Variants in PPT1 observed in about 807,000 individuals in gnomAD.
The protein encoded by PPT1 is palmitoyl-protein thioesterase 1.
A neutral mutation model predicts 44.0 loss-of-function variants in PPT1; 24 were observed. That is an observed-to-expected ratio of 0.54 (90% CI 0.39 to 0.77). The LOEUF (loss-of-function observed/expected upper bound fraction) is 0.77, where lower values mean the gene tolerates loss of function less well. PPT1 is among the 30% of genes least tolerant of loss of function. The pLI is 0.00. For missense variants in PPT1, 341 were observed against 378.8 expected, an observed-to-expected ratio of 0.90 and a Z score of 0.83; for synonymous variants, 148 against 140.2, an observed-to-expected ratio of 1.06 and a Z score of -0.39.
At chr1:40,074,467 C>A (rs991392159) in intron 8 of PPT1, among the ~76,000 whole-genome samples, 8 of 124,564 alleles carry the variant, frequency 6.4e-5, no homozygotes, top group African/African-American at 1.9e-4. Context: ...CTCTGTCTCT[C>A]TTTCTCTTTC....
intron 1 of PPT1, 168 bp downstream of exon 1, chr1:40,096,946 TC>T: frequency 1.6e-6 from 2 of 1,215,170 alleles, no homozygotes; most frequent in Non-Finnish European, 1.2e-6. Flanking sequence ...AGGGGACGGC[TC>T]CTTCCCCTTC....
chr1:40,097,219 A>G lies in PPT1; in HGVS notation c.20T>C (p.Leu7Pro). Residue 7 changes from leucine to proline, a missense_variant, in exon 1 of 9, where the codon CTG (leucine) becomes CCG (proline). Coordinates refer to ENST00000642050, the MANE Select transcript of PPT1 (RefSeq NM_000310.4). MASPGC[L>P]WLLAVALLPW... Reference sequence around the variant, plus strand: ...CAGGAGAGCCACAGCCAAGAGCCACAGGCAGCCGGGCGACGCCATCTTCGC... The same window carrying G: ...CAGGAGAGCCACAGCCAAGAGCCACGGGCAGCCGGGCGACGCCATCTTCGC... 9 of 1,613,950 alleles carry G rather than the reference A, an allele frequency of 5.6e-6. No homozygotes were observed. The highest frequency in any genetic ancestry group is 7.6e-6 in the Non-Finnish European group (9 of 1,179,904).
intron 4 of PPT1, among the ~76,000 whole-genome samples, chr1:40,090,480 A>ATG (rs751035255): frequency 2.0e-4 from 30 of 152,088 alleles, no homozygotes; most frequent in African/African-American, 5.3e-4. Context: ...ATATGTGCAC[A>ATG]TGTGTGTGTG....
chr1:40,085,076 G>A (rs1457663766), intron 5 of PPT1, among the ~76,000 whole-genome samples: 2 of 152,172 alleles, frequency 1.3e-5, no homozygotes, highest in Non-Finnish European at 2.9e-5. Flanking sequence ...ACATCAGTCA[G>A]GCCCGCCTGC....
intron 8 of PPT1, 29 bp downstream of exon 8, chr1:40,076,813 C>A (rs2124470187): frequency 5.0e-6 from 8 of 1,613,918 alleles, no homozygotes; most frequent in Non-Finnish European, 6.8e-6. Flanking sequence ...AAAACACCAA[C>A]CTCCCAAGAT....
chr1:40,091,055 C>T (rs925302190), intron 4 of PPT1, among the ~76,000 whole-genome samples: 2 of 152,220 alleles, frequency 1.3e-5, no homozygotes, highest in Non-Finnish European at 2.9e-5. Flanking sequence ...TCCTCAACCA[C>T]CACCTGCCAC....
chr1:40,072,452 G>T (rs1473563277), downstream of PPT1: 1 of 184,668 alleles, frequency 5.4e-6, no homozygotes, highest in Non-Finnish European at 1.1e-5. Flanking sequence ...AATTATGTAA[G>T]AATCTTGCAC....
intron 7 of PPT1, among the ~76,000 whole-genome samples, chr1:40,077,214 T>C (rs1289941625): frequency 6.6e-6 from 1 of 152,240 alleles, no homozygotes; most frequent in Non-Finnish European, 1.5e-5. Context: ...GATGAATACA[T>C]AATCTGTTTC....
intron 8 of PPT1, chr1:40,076,594 T>C: frequency 7.5e-7 from 1 of 1,330,122 alleles, no homozygotes; most frequent in Non-Finnish European, 9.7e-7. Flanking sequence ...ATGAGGTTTC[T>C]CTTGTTGTTT....
rs376417096 is a variant in PPT1 at position 40,091,392 on chromosome 1, C to T, written c.370G>A (p.Val124Met). Residue 124 changes from valine (V) to methionine (M), a missense_variant, in exon 4 of 9, where the codon GTG (valine) becomes ATG (methionine). Physicochemically the swap from Val to Met is conservative, Grantham distance 21. Transcript: ENST00000642050. Reference sequence around the variant, plus strand: ...GGAGGTGAAGGGCATCTCTGAGCCACTGCCCTCCTACGGAATAAAAGGGAG... The same window carrying T: ...GGAGGTGAAGGGCATCTCTGAGCCATTGCCCTCCTACGGAATAAAAGGGAG... ...FSQGGQFLRAVAQRCPSPPMI... is the reference protein window; with the variant it reads ...FSQGGQFLRAMAQRCPSPPMI... 2 of 1,613,542 alleles carry T rather than the reference C, an allele frequency of 1.2e-6. No individual in the cohort carries two copies. Among genetic ancestry groups the T allele is most frequent in the Non-Finnish European group, 1.7e-6 (2 of 1,179,662 alleles).
chr1:40,080,489 T>C lies in PPT1; in HGVS notation c.537-2A>G. 6.2e-7 allele frequency: 1 copy of C among 1,612,952 alleles called. No homozygotes were observed. On this transcript the variant is annotated splice_acceptor_variant, in intron 5 of 8. Coordinates refer to ENST00000642050, the MANE Select transcript of PPT1 (RefSeq NM_000310.4). LOFTEE classifies it high-confidence loss of function. ...TGCCAGTATTCGGCTTGCACGAGGC[T>C]GTAGGAAAAAAAAAGAATGAGGTGA...
rs1266890934 is a variant in PPT1, at chr1:40,089,523, A to T, written c.434-11T>A. ...GGAGTCCAAAAACACCTACAGTGGT[A>T]GATGACAAATATCCACTCCTTCAAT... On this transcript the variant is annotated splice_polypyrimidine_tract_variant and intron_variant, in intron 4 of 8. Transcript: ENST00000642050. 6.3e-7 allele frequency: 1 copy of T among 1,586,800 alleles called. No individual in the cohort carries two copies. Among genetic ancestry groups the T allele is most frequent in the Non-Finnish European group, 8.7e-7 (1 of 1,155,004 alleles).
downstream of PPT1, chr1:40,071,494 G>A (rs1383915063): frequency 6.2e-7 from 1 of 1,613,776 alleles, no homozygotes; most frequent in East Asian, 2.2e-5. Context: ...TATGGAACGG[G>A]CAGAAGTTGG....
intron 6 of PPT1, 193 bp from the exon 7 acceptor site, chr1:40,078,851 ATATTT>A: frequency 1.7e-6 from 1 of 598,568 alleles, no homozygotes. Flanking sequence ...AAAAAACAAA[ATATTT>A]TATTTTAGAT....
intron 5 of PPT1, among the ~76,000 whole-genome samples, chr1:40,086,548 G>T (rs1649273029): frequency 6.6e-6 from 1 of 152,162 alleles, no homozygotes; most frequent in African/African-American, 2.4e-5. Context: ...GGGAGGTGGG[G>T]TATGGTTAGT....
In PPT1 at chr1:40,097,119, C is replaced by T. The variant is rs1430048390; in HGVS notation, c.120G>A (p.Gly40=). 1.9e-6 allele frequency: 3 copies of T among 1,614,082 alleles called. No individual in the cohort carries two copies. The highest frequency in any genetic ancestry group is 1.7e-6 in the Non-Finnish European group (2 of 1,179,928). Reference sequence around the variant, plus strand: ...TTAAATTTCTCACTCACTCACCCATCCCATGCCAGATCACCAACGGCAGCG... The same window carrying T: ...TTAAATTTCTCACTCACTCACCCATTCCATGCCAGATCACCAACGGCAGCG... ...PAPLPLVIWH[G]MGDSCCNPLS... The change falls in exon 1 of 9, where the codon GGG becomes GGA. Residue 40 remains glycine, a synonymous_variant. Transcript: ENST00000642050.
At chr1:40,072,060 C>G (rs1333862092), downstream of PPT1, 1 of 403,268 alleles carries the variant, frequency 2.5e-6, no homozygotes, top group Non-Finnish European at 4.4e-6. Context: ...GCATTCCATA[C>G]AAAATTGTTT....
intron 8 of PPT1, 135 bp from the exon 9 acceptor site, chr1:40,074,318 A>T: frequency 1.8e-6 from 2 of 1,090,652 alleles, no homozygotes; most frequent in Non-Finnish European, 2.7e-6. Context: ...ATTTTCAAAA[A>T]TGCCAAAAAG....
chr1:40,090,837 A>G (rs1649524032), intron 4 of PPT1, among the ~76,000 whole-genome samples: 1 of 54,758 alleles, frequency 1.8e-5, no homozygotes, highest in African/African-American at 5.4e-5. Flanking sequence ...GCTAATAGCT[A>G]TACCCATCAA....
Sources: allele counts gnomAD v4.1 joint callset (sites outside exome capture counted in the v4.1 genomes callset), GRCh38; gene constraint gnomAD v4.1.1; transcripts MANE v1.5; gene names NCBI Gene and HGNC (gene_info 2026-07-23, HGNC 2026-07-21).